Variants in STRIP1 observed in about 807,000 individuals in gnomAD.
STRIP1 encodes the protein striatin interacting protein 1, also known as striatin-interacting protein 1.
A neutral mutation model predicts 106.2 loss-of-function variants in STRIP1; 63 were observed. The observed-to-expected ratio is 0.59, with a 90% confidence interval of 0.48 to 0.73. STRIP1 has a LOEUF of 0.73. Ranked by LOEUF, STRIP1 falls within the 30% of genes least tolerant of loss-of-function variation. The pLI, the probability that STRIP1 is intolerant of heterozygous loss-of-function variation, is 0.00. For missense variants in STRIP1, 857 were observed against 1,074.8 expected (o/e 0.80, Z 2.83); for synonymous variants, 390 against 413.0 (o/e 0.94, Z 0.67).
At chr1:110,051,928 C>G (rs765981746) in intron 20 of STRIP1, 41 bp downstream of exon 20, 1 of 1,598,858 alleles carries the variant, frequency 6.3e-7, no homozygotes, top group Admixed American at 1.7e-5. Flanking sequence ...GGGAGTGTGT[C>G]GGGAAAAGTG....
At chr1:110,041,384 T>A in intron 6 of STRIP1, 152 bp from the exon 7 acceptor site, 1 of 609,538 alleles carries the variant, frequency 1.6e-6, no homozygotes, top group Middle Eastern at 4.5e-4. Flanking sequence ...CTTAGGGTGG[T>A]AAATGCTTTT....
In STRIP1 at chr1:110,034,691, C is replaced by G. The variant is rs1181948385; in HGVS notation, c.54C>G (p.Pro18=). The stretch of plus-strand genomic sequence containing the variant: ...CACTGATCGTGAACAACAAACAGCC[C>G]CAGCCCCCGCCACCTCCGCCGCCGG... ...PGPLIVNNKQ[P]QPPPPPPPAA... The change falls in exon 1 of 21, where the codon CCC becomes CCG. Residue 18 remains proline (P), a synonymous_variant. Coordinates refer to ENST00000369795, the MANE Select transcript of STRIP1 (RefSeq NM_033088.4). 6.6e-7 allele frequency: 1 copy of G among 1,515,560 alleles called. No individual in the cohort carries two copies. Among genetic ancestry groups the G allele is most frequent in the East Asian group, 2.8e-5 (1 of 35,868 alleles). 93.9% of individuals were successfully genotyped at this position (1,515,560 alleles called of 1,614,324 possible). A position where few individuals can be genotyped will look rare whatever the true frequency, so the allele number is the denominator to read the frequency against.
chr1:110,040,056 G>T, intron 5 of STRIP1: 1 of 489,018 alleles, frequency 2.0e-6, no homozygotes, highest in Non-Finnish European at 3.7e-6. Flanking sequence ...TCATGTTAAG[G>T]ATATAGGTAC....
chr1:110,039,060 G>A, intron 3 of STRIP1, 112 bp from the exon 4 acceptor site: 2 of 1,246,818 alleles, frequency 1.6e-6, no homozygotes, highest in Non-Finnish European at 2.3e-6. Context: ...TACATAGGGT[G>A]TAACTTATCT....
Position 110,051,600 on chromosome 1 carries a change from A to G in STRIP1, c.2062-83A>G, listed in dbSNP as rs1293534418. 6 of 1,376,108 alleles carry G rather than the reference A, an allele frequency of 4.4e-6. No individual in the cohort carries two copies. In the East Asian group the frequency reaches 7.5e-5, roughly 17 times the overall value. The allele number at this position is 1,376,108 out of a possible 1,614,324, so 85.2% of individuals were successfully genotyped here. A position where few individuals can be genotyped will look rare whatever the true frequency, so the allele number is the denominator to read the frequency against. On this transcript the variant is annotated intron_variant, in intron 19 of 20. Transcript: ENST00000369795. ...TTTGTCACCCTGACAGTAACTTCCA[A>G]AGGGTTAAGCAGCAGTGTGACCTGG...
rs1227675909 is a variant in STRIP1 at position 110,051,714 on chromosome 1, T to G, written c.2093T>G (p.Leu698Trp). Reference sequence around the variant, plus strand: ...GTGGTGTTCAAGTCAGCCCCCATCTTGAAGCGGGCCCTAAAGGTGAAACAA... The same window carrying G: ...GTGGTGTTCAAGTCAGCCCCCATCTGGAAGCGGGCCCTAAAGGTGAAACAA... ...MLVVFKSAPI[L>W]KRALKVKQAM... is the part of the protein sequence containing the mutation. The change falls in exon 20 of 21, where the codon TTG becomes TGG. Residue 698 changes from leucine to tryptophan, a missense_variant. By Grantham distance (61) the Leu-to-Trp change is moderately conservative. Around this residue, in one of 2 missense-constraint regions of STRIP1, gnomAD observed 750 missense variants for 989.8 expected, o/e 0.76. Coordinates refer to ENST00000369795, the MANE Select transcript of STRIP1 (RefSeq NM_033088.4). 1 of 1,611,190 alleles carries G rather than the reference T, an allele frequency of 6.2e-7. No homozygotes were observed. The highest frequency in any genetic ancestry group is 1.1e-5 in the South Asian group (1 of 90,592).
Position 110,034,719 on chromosome 1 carries a change from G to A in STRIP1, c.82G>A (p.Ala28Thr). Residue 28 changes from alanine (A) to threonine (T), a missense_variant, in exon 1 of 21, where the codon GCC becomes ACC. Ala to Thr is a moderately conservative substitution (Grantham distance 58). Transcript: ENST00000369795. ...PQPPPPPPPA[A>T]AQPPPGAPRA... ...GCCCCCGCCACCTCCGCCGCCGGCA[G>A]CCGCACAGCCACCACCCGGGGCACC... The A allele has an allele frequency of 6.6e-7, 1 of 1,508,022 alleles. No individual in the cohort carries two copies. Among genetic ancestry groups the A allele is most frequent in the African/African-American group, 1.5e-5 (1 of 68,726 alleles). The allele number at this position is 1,508,022 out of a possible 1,614,324, so 93.4% of individuals were successfully genotyped here. A position where few individuals can be genotyped will look rare whatever the true frequency, so the allele number is the denominator to read the frequency against.
chr1:110,049,835 CTT>C (rs779915216), intron 17 of STRIP1: 1,797 of 232,694 alleles, frequency 7.7e-3, no homozygotes, highest in South Asian at 0.013. Context: ...CCCTTCTGTA[CTT>C]TTTTTTTTTT....
At chr1:110,042,648 G>A (rs1030813047) in intron 8 of STRIP1, among the ~76,000 whole-genome samples, 5 of 152,222 alleles carry the variant, frequency 3.3e-5, no homozygotes, top group Admixed American at 1.3e-4. Flanking sequence ...TGGCGTTTCT[G>A]CTTCTTGGGA....
At position 110,039,456 on chromosome 1, in the gene STRIP1, T is replaced by C; in HGVS notation, c.522T>C (p.Phe174=). Residue 174 remains phenylalanine (F), a synonymous_variant, in exon 5 of 21, where the codon TTT becomes TTC. Transcript: ENST00000369795. The stretch of plus-strand genomic sequence containing the variant: ...AGTCCTGGATGCGCTACAACATCTT[T>C]CTCCTCCTGGAGGTGGGCACGTTCA... ...EVQSWMRYNI[F]LLLEVGTFNA... 6.2e-7 allele frequency: 1 copy of C among 1,613,264 alleles called. No individual in the cohort carries two copies. Among genetic ancestry groups the C allele is most frequent in the Non-Finnish European group, 8.5e-7 (1 of 1,179,706 alleles).
At chr1:110,042,830 T>G (rs965433598) in intron 8 of STRIP1, 3 of 408,668 alleles carry the variant, frequency 7.3e-6, no homozygotes, top group Non-Finnish European at 8.7e-6. Context: ...GAGTATGTCA[T>G]AGGTGCAGAG....
chr1:110,047,807 C>A lies in STRIP1; in HGVS notation c.1599C>A (p.Pro533=). Residue 533 remains proline (P), a synonymous_variant, in exon 15 of 21, where the codon CCC becomes CCA. Coordinates refer to ENST00000369795, the MANE Select transcript of STRIP1 (RefSeq NM_033088.4). ...TGAAGATCCTGTTGGCTGCAGCACCCACCTCAAAAGCCAAAACAGACTCAA... is the reference window on the plus strand; with the variant it reads ...TGAAGATCCTGTTGGCTGCAGCACCAACCTCAAAAGCCAAAACAGACTCAA... ...ALLKILLAAA[P]TSKAKTDSIN... 6.4e-7 allele frequency: 1 copy of A among 1,570,726 alleles called. No homozygotes were observed. The highest frequency in any genetic ancestry group is 2.3e-5 in the East Asian group (1 of 43,084).
Position 110,034,629 on chromosome 1 carries a change from G to C in STRIP1, c.-9G>C, listed in dbSNP as rs1187859374. The C allele has an allele frequency of 1.1e-5, 16 of 1,517,178 alleles. No individual in the cohort carries two copies. Among genetic ancestry groups the C allele is most frequent in the Non-Finnish European group, 1.3e-5 (15 of 1,133,790 alleles). The allele number at this position is 1,517,178 out of a possible 1,614,324, so 94.0% of individuals were successfully genotyped here. A position where few individuals can be genotyped will look rare whatever the true frequency, so the allele number is the denominator to read the frequency against. On this transcript the variant is annotated 5_prime_UTR_variant, in exon 1 of 21. Coordinates refer to ENST00000369795, the MANE Select transcript of STRIP1 (RefSeq NM_033088.4). ...GCGCGAGTTAAGCTGGGGGTGTGGA[G>C]CAGCCAAGATGGAGCCGGCAGTCGG...
At chr1:110,039,990 C>T (rs1652681177) in intron 5 of STRIP1, 1 of 937,744 alleles carries the variant, frequency 1.1e-6, no homozygotes, top group Non-Finnish European at 1.5e-6. Context: ...GCTAAGACAG[C>T]TCATTGAGTG....
At chr1:110,052,583 C>A (rs150890431) in intron 20 of STRIP1, among the ~76,000 whole-genome samples, 1 of 152,140 alleles carries the variant, frequency 6.6e-6, no homozygotes, top group African/African-American at 2.4e-5. Context: ...GATTCTCCCC[C>A]CTCAGCCTCC....
At chr1:110,041,446 C>G (rs1652753225) in intron 6 of STRIP1, 90 bp from the exon 7 acceptor site, 2 of 821,810 alleles carry the variant, frequency 2.4e-6, no homozygotes, top group Non-Finnish European at 4.1e-6. Context: ...TAATAGTAAG[C>G]CCCTGCTTTG....
chr1:110,041,972 T>TA (rs937574934), intron 8 of STRIP1, 111 bp downstream of exon 8: 35 of 1,243,500 alleles, frequency 2.8e-5, no homozygotes, highest in Middle Eastern at 2.2e-4. Context: ...ACTGCTTTGG[T>TA]AAAAAAAATT....
chr1:110,052,733 G>C (rs1162368180), intron 20 of STRIP1, among the ~76,000 whole-genome samples: 1 of 152,120 alleles, frequency 6.6e-6, no homozygotes, highest in Non-Finnish European at 1.5e-5. Context: ...GCCTCCCAAA[G>C]TGCTGGGATT....
chr1:110,038,717 G>T lies in STRIP1; in HGVS notation c.285G>T (p.Leu95=). 1 of 1,614,198 alleles carries T rather than the reference G, an allele frequency of 6.2e-7. No homozygotes were observed. Among genetic ancestry groups the T allele is most frequent in the Non-Finnish European group, 8.5e-7 (1 of 1,180,030 alleles). ...GCTACACGGAAGGGCCAGAATTCCTGATGAATCGAAAATGCTTTGAGGAGG... is the reference window on the plus strand; with the variant it reads ...GCTACACGGAAGGGCCAGAATTCCTTATGAATCGAAAATGCTTTGAGGAGG... ...LYSYTEGPEF[L]MNRKCFEEDF... Residue 95 remains leucine (L), a synonymous_variant, in exon 3 of 21, where the codon CTG becomes CTT. Transcript: ENST00000369795.
Sources: gnomAD v4.1 joint callset for allele counts (sites outside exome capture counted in the v4.1 genomes callset) on GRCh38, gnomAD v4.1.1 for gene constraint, gnomAD v4.1.1 regional missense constraint, MANE v1.5 for transcripts, NCBI Gene and HGNC (gene_info 2026-07-23, HGNC 2026-07-21) for gene names.